DHX36: variants seen among roughly 807,000 people sequenced by gnomAD.
DHX36 encodes the protein ATP-dependent DNA/RNA helicase DHX36.
Under a neutral mutation model 139.0 loss-of-function variants are expected in DHX36, and 50 were observed. That is an observed-to-expected ratio of 0.36 (90% CI 0.29 to 0.46). The LOEUF (loss-of-function observed/expected upper bound fraction) is 0.46. Among genes scored for constraint, DHX36 ranks in the 20% least tolerant of loss-of-function variants. The pLI is 1.00. For synonymous variants in DHX36, 425 were observed against 401.9 expected, an observed-to-expected ratio of 1.06 and a Z score of -0.69; for missense variants, 1,024 against 1,211.3, an observed-to-expected ratio of 0.85 and a Z score of 2.29.
In DHX36 at chr3:154,272,718, T is replaced by G. The variant is rs760879600; in HGVS notation, c.*3453A>C. 4 of 151,892 alleles carry G rather than the reference T, an allele frequency of 2.6e-5. No homozygotes were observed. Among genetic ancestry groups the G allele is most frequent in the Non-Finnish European group, 5.9e-5 (4 of 67,968 alleles). 9.4% of individuals were successfully genotyped at this position (151,892 alleles called of 1,614,324 possible). ...TTTAAAATCAGAACAAAAATCCCAT[T>G]TAAAAGCAATTAGCATATTAAAAAT... On this transcript the variant is annotated 3_prime_UTR_variant, in exon 25 of 25. Transcript: ENST00000496811.
chr3:154,303,978 G>A (rs972635728), intron 8 of DHX36, among the ~76,000 whole-genome samples: 1 of 152,092 alleles, frequency 6.6e-6, no homozygotes, highest in Admixed American at 6.5e-5. Flanking sequence ...CACATCAGAG[G>A]TCAAAATACC....
At chr3:154,314,411 A>G (rs1370428947) in intron 3 of DHX36, among the ~76,000 whole-genome samples, 5 of 152,198 alleles carry the variant, frequency 3.3e-5, no homozygotes, top group Non-Finnish European at 4.4e-5. Flanking sequence ...ATGTATTTAC[A>G]TATTAAAGAT....
chr3:154,280,447 T>C (rs964463101), intron 22 of DHX36, 132 bp downstream of exon 22: 1 of 660,824 alleles, frequency 1.5e-6, no homozygotes, highest in Non-Finnish European at 2.6e-6. Flanking sequence ...TTCTCTGAAA[T>C]GATTAAAAGA....
intron 1 of DHX36, among the ~76,000 whole-genome samples, chr3:154,320,584 T>C (rs748458898): frequency 6.6e-6 from 1 of 152,190 alleles, no homozygotes; most frequent in Non-Finnish European, 1.5e-5. Flanking sequence ...CAAATCCTCA[T>C]TTGTATGCCC....
chr3:154,317,293 T>C lies in DHX36; in HGVS notation c.244-1130A>G, dbSNP rs115734059. Among the ~76,000 whole-genome samples the C allele has an allele frequency of 3.2e-3, 489 of 152,172 alleles. 1 individual carries two copies. Among genetic ancestry groups the C allele is most frequent in the African/African-American group, 0.011 (455 of 41,560 alleles). ...GATTTTAGGCAATTAAGAACAAAGA[T>C]GAAATTTCCCGACTTGTAATAATGA... On this transcript the variant is annotated intron_variant, in intron 1 of 24. Coordinates refer to ENST00000496811, the MANE Select transcript of DHX36 (RefSeq NM_020865.3).
chr3:154,322,224 T>G (rs954495670), intron 1 of DHX36, among the ~76,000 whole-genome samples: 1 of 152,248 alleles, frequency 6.6e-6, no homozygotes, highest in Non-Finnish European at 1.5e-5. Flanking sequence ...ACCTGTTACG[T>G]TGAAGCCGTA....
At chr3:154,301,673 G>A (rs1712287198) in intron 9 of DHX36, among the ~76,000 whole-genome samples, 1 of 152,120 alleles carries the variant, frequency 6.6e-6, no homozygotes, top group South Asian at 2.1e-4. Context: ...TGTAGTTAAT[G>A]GCAGATCCAG....
chr3:154,301,781 AC>A (rs1406302407), intron 9 of DHX36, among the ~76,000 whole-genome samples: 1 of 152,114 alleles, frequency 6.6e-6, no homozygotes, highest in Non-Finnish European at 1.5e-5. Flanking sequence ...GCGCATCTGG[AC>A]AATAATTCTA....
intron 17 of DHX36, among the ~76,000 whole-genome samples, chr3:154,285,448 T>G (rs1201068910): frequency 6.6e-6 from 1 of 152,172 alleles, no homozygotes; most frequent in Non-Finnish European, 1.5e-5. Context: ...TCTGATTCCC[T>G]AGGTCATCTG....
Position 154,315,219 on chromosome 3 carries a change from C to G in DHX36, c.430G>C (p.Glu144Gln). ...TTTTCTTGATTTATCAACTTCTTTT[C>G]CTGGATGTCAAGTTTGTTCTCTGAG... ...PCSENKLDIQ[E>Q]KKLINQEKKM... The change falls in exon 3 of 25, where the codon GAA becomes CAA. Residue 144 changes from glutamate (E) to glutamine (Q), a missense_variant. Coordinates refer to ENST00000496811, the MANE Select transcript of DHX36 (RefSeq NM_020865.3). The G allele has an allele frequency of 6.2e-7, 1 of 1,613,166 alleles. No homozygotes were observed.
chr3:154,277,141 CTGAG>C (rs1488756608), intron 23 of DHX36, among the ~76,000 whole-genome samples: 1 of 152,046 alleles, frequency 6.6e-6, no homozygotes, highest in East Asian at 1.9e-4. Flanking sequence ...AAAATATTTT[CTGAG>C]TGACAAAAGC....
intron 15 of DHX36, among the ~76,000 whole-genome samples, chr3:154,290,647 A>C (rs1229019864): frequency 6.6e-6 from 1 of 151,756 alleles, no homozygotes; most frequent in Admixed American, 6.6e-5. Context: ...AAAAAAAAAA[A>C]AAAAAACTAG....
intron 1 of DHX36, among the ~76,000 whole-genome samples, chr3:154,323,216 TC>T (rs1713266568): frequency 1.3e-5 from 2 of 152,072 alleles, no homozygotes; most frequent in African/African-American, 4.8e-5. Flanking sequence ...ACGCCTGTAA[TC>T]CCAGCTACTC....
At chr3:154,300,299 C>T (rs538246893) in intron 11 of DHX36, among the ~76,000 whole-genome samples, 6 of 152,150 alleles carry the variant, frequency 3.9e-5, no homozygotes, top group Non-Finnish European at 1.5e-5. Flanking sequence ...AACTCCTGGC[C>T]TCAAGTGATC....
intron 4 of DHX36, among the ~76,000 whole-genome samples, chr3:154,311,105 G>A (rs1185452589): frequency 6.6e-6 from 1 of 151,134 alleles, no homozygotes; most frequent in Non-Finnish European, 1.5e-5. Flanking sequence ...CCTGGGAGGG[G>A]AAGACAAACA....
At chr3:154,280,521 G>T in intron 22 of DHX36, 58 bp downstream of exon 22, 1 of 1,259,540 alleles carries the variant, frequency 7.9e-7, no homozygotes, top group South Asian at 1.3e-5. Context: ...TACATGAGCA[G>T]ATTTCAAAAG....
chr3:154,322,877 C>T (rs964446614), intron 1 of DHX36, among the ~76,000 whole-genome samples: 1 of 152,168 alleles, frequency 6.6e-6, no homozygotes, highest in Non-Finnish European at 1.5e-5. Flanking sequence ...TCCTGATTTT[C>T]AAGCCAGTAT....
intron 15 of DHX36, 113 bp downstream of exon 15, chr3:154,292,438 A>T: frequency 6.9e-7 from 1 of 1,450,312 alleles, no homozygotes; most frequent in Non-Finnish European, 9.5e-7. Context: ...CAATAAGCTC[A>T]AAATAATAAG....
chr3:154,310,445 T>G (rs1712687622), intron 4 of DHX36, among the ~76,000 whole-genome samples: 1 of 151,952 alleles, frequency 6.6e-6, no homozygotes, highest in South Asian at 2.1e-4. Flanking sequence ...TAGGGGTTAT[T>G]TTCATGTATA....
Sources: allele counts gnomAD v4.1 joint callset (sites outside exome capture counted in the v4.1 genomes callset), GRCh38; gene constraint gnomAD v4.1.1; transcripts MANE v1.5; gene names NCBI Gene and HGNC (gene_info 2026-07-23, HGNC 2026-07-21).